CA13: variants seen among roughly 807,000 people sequenced by gnomAD.
The protein encoded by CA13 is carbonic anhydrase 13.
CA13 carries 21 observed loss-of-function variants against 31.5 expected under a neutral mutation model. That is an observed-to-expected ratio of 0.67 (90% CI 0.47 to 0.96). The LOEUF (loss-of-function observed/expected upper bound fraction) is 0.96. CA13 is among the 40% of genes least tolerant of loss of function. The pLI, the probability that CA13 is intolerant of heterozygous loss-of-function variation, is 0.00. For synonymous variants in CA13, 117 were observed against 111.4 expected (o/e 1.05, Z -0.32); for missense variants, 315 against 318.9 (o/e 0.99, Z 0.09).
Position 85,282,741 on chromosome 8 carries a change from AG to A in CA13, c.*1393del, listed in dbSNP as rs758948410. The A allele has an allele frequency of 2.0e-5, 3 of 152,170 alleles. No individual in the cohort carries two copies. Among genetic ancestry groups the A allele is most frequent in the Non-Finnish European group, 4.4e-5 (3 of 68,036 alleles). 9.4% of individuals were successfully genotyped at this position (152,170 alleles called of 1,614,324 possible). A position where few individuals can be genotyped will look rare whatever the true frequency, so the allele number is the denominator to read the frequency against. On this transcript the variant is annotated 3_prime_UTR_variant, in exon 7 of 7. Transcript: ENST00000321764. ...TTTTGTTTGTTTTTGGTGAAGGATA[AG>A]AGTGGTGTTTCTTTTGCCCTTTCTG... is the stretch of plus-strand genomic sequence containing the variant.
intron 6 of CA13, among the ~76,000 whole-genome samples, chr8:85,276,553 G>C (rs1019400963): frequency 1.3e-5 from 2 of 152,126 alleles, no homozygotes; most frequent in Non-Finnish European, 2.9e-5. Context: ...TATTCCAATC[G>C]GCACTCTGTA....
At chr8:85,267,475 T>C (rs1183954484) in intron 4 of CA13, 1 of 208,806 alleles carries the variant, frequency 4.8e-6, no homozygotes, top group East Asian at 1.8e-4. Flanking sequence ...CATTTTAGGC[T>C]GCAAGTGTGA....
At position 85,245,700 on chromosome 8, in the gene CA13, C is replaced by A; in HGVS notation, c.-129C>A. 1 of 1,053,356 alleles carries A rather than the reference C, an allele frequency of 9.5e-7. No homozygotes were observed. Among genetic ancestry groups the A allele is most frequent in the African/African-American group, 1.6e-5 (1 of 63,538 alleles). The allele number at this position is 1,053,356 out of a possible 1,614,324, so 65.3% of individuals were successfully genotyped here. On this transcript the variant is annotated 5_prime_UTR_variant, in exon 1 of 7. Coordinates refer to ENST00000321764, the MANE Select transcript of CA13 (RefSeq NM_198584.3). ...GCGGGAGCGCCCCGGACCGGGTTCACGGTCTCGCACTCCTGCCGCCGGCGC... is the reference window on the plus strand; with the variant it reads ...GCGGGAGCGCCCCGGACCGGGTTCAAGGTCTCGCACTCCTGCCGCCGGCGC...
chr8:85,282,736 G>A lies in CA13; in HGVS notation c.*1387G>A, dbSNP rs1200529413. On this transcript the variant is annotated 3_prime_UTR_variant, in exon 7 of 7. Coordinates refer to ENST00000321764, the MANE Select transcript of CA13 (RefSeq NM_198584.3). ...TTTATTTTTGTTTGTTTTTGGTGAA[G>A]GATAAGAGTGGTGTTTCTTTTGCCC... 6.6e-6 allele frequency: 1 copy of A among 152,114 alleles called. No individual in the cohort carries two copies. The highest frequency in any genetic ancestry group is 6.5e-5 in the Admixed American group (1 of 15,278). The allele number at this position is 152,114 out of a possible 1,614,324, so 9.4% of individuals were successfully genotyped here. A position where few individuals can be genotyped will look rare whatever the true frequency, so the allele number is the denominator to read the frequency against.
chr8:85,250,708 T>G, intron 1 of CA13, 32 bp from the exon 2 acceptor site: 1 of 1,396,642 alleles, frequency 7.2e-7, no homozygotes, highest in Non-Finnish European at 1.0e-6. Context: ...AGAACTTATT[T>G]AATCCTTTTC....
Position 85,253,165 on chromosome 8 carries a change from G to A in CA13, c.235+2228G>A, listed in dbSNP as rs1427420300. 4.6e-5 allele frequency among the ~76,000 whole-genome samples: 7 copies of A among 151,986 alleles called. No individual in the cohort carries two copies. In the East Asian group the frequency reaches 1.2e-3, roughly 25 times the overall value. ...TCTCCATGTTAATCAGGCTGGTTTC[G>A]AACTCCCGACCTCAGGTGATCCGCC... On this transcript the variant is annotated intron_variant, in intron 2 of 6. Transcript: ENST00000321764.
rs1320375395 is a variant in CA13, at chr8:85,250,835, C to T, written c.133C>T (p.Leu45Phe). 1.9e-6 allele frequency: 3 copies of T among 1,613,886 alleles called. No individual in the cohort carries two copies. The highest frequency in any genetic ancestry group is 3.3e-5 in the Admixed American group (2 of 60,010). ...CAAAGAAGTGAAATATGACTCTTCC[C>T]TCCGACCACTTAGTATCAAGTATGA... ...KTKEVKYDSS[L>F]RPLSIKYDPS... Residue 45 changes from leucine (L) to phenylalanine (F), a missense_variant, in exon 2 of 7, where the codon CTC (leucine) becomes TTC (phenylalanine). Physicochemically the swap from Leu to Phe is conservative, Grantham distance 22 (BLOSUM62 0). Transcript: ENST00000321764.
chr8:85,272,869 G>GT (rs1226781473), intron 6 of CA13, among the ~76,000 whole-genome samples: 1 of 152,126 alleles, frequency 6.6e-6, no homozygotes, highest in Non-Finnish European at 1.5e-5. Flanking sequence ...CCAGGCTGGA[G>GT]TGCAGTGGTG....
At chr8:85,266,149 T>C (rs1807452783) in intron 3 of CA13, among the ~76,000 whole-genome samples, 1 of 152,146 alleles carries the variant, frequency 6.6e-6, no homozygotes, top group African/African-American at 2.4e-5. Flanking sequence ...CTGGAGTTTG[T>C]TAGGGCTGAA....
At position 85,278,116 on chromosome 8, in the gene CA13, G is replaced by T. The variant is rs1336322442; in HGVS notation, c.670-3114G>T. Among the ~76,000 whole-genome samples the T allele has an allele frequency of 2.0e-5, 3 of 151,444 alleles. No homozygotes were observed. The East Asian group carries it at 5.8e-4, about 29-fold the overall frequency. On this transcript the variant is annotated intron_variant, in intron 6 of 6. Transcript: ENST00000321764. ...TCTTCACTTAAAAAAAAAAAAATTA[G>T]CTGGGCGTGGTGTCCCCTGCCTATA...
At chr8:85,245,975 T>A in intron 1 of CA13, 110 bp downstream of exon 1, 1 of 1,263,772 alleles carries the variant, frequency 7.9e-7, no homozygotes, top group Admixed American at 1.8e-5. Flanking sequence ...TGAGAAACTT[T>A]TTCGGTTCCT....
intron 2 of CA13, among the ~76,000 whole-genome samples, chr8:85,257,250 T>A (rs903051256): frequency 6.6e-6 from 1 of 152,180 alleles, no homozygotes; most frequent in Admixed American, 6.5e-5. Flanking sequence ...CTCTGGGCAC[T>A]GGAGATACAG....
intron 2 of CA13, among the ~76,000 whole-genome samples, chr8:85,257,877 C>T (rs1054231725): frequency 6.7e-4 from 100 of 149,004 alleles, no homozygotes; most frequent in East Asian, 9.8e-4. Flanking sequence ...AGTGATCCAC[C>T]TGCCTCAGCC....
rs1813715694 is a variant in CA13 at position 85,245,864 on chromosome 8, C to T, written c.36C>T (p.Asn12=). ...TCAGCTGGGGATACCGCGAGCACAA[C>T]GGTGAGCGCCTTTTCCTGATCCAAG... ...SRLSWGYREH[N]GPIHWKEFFP... The change falls in exon 1 of 7, where the codon AAC becomes AAT. Residue 12 remains asparagine (N), a splice_region_variant and synonymous_variant. Coordinates refer to ENST00000321764, the MANE Select transcript of CA13 (RefSeq NM_198584.3). 10 of 1,614,162 alleles carry T rather than the reference C, an allele frequency of 6.2e-6. No homozygotes were observed. The East Asian group carries it at 1.6e-4, about 25-fold the overall frequency.
intron 6 of CA13, among the ~76,000 whole-genome samples, chr8:85,278,857 T>TTTA (rs1393633182): frequency 6.6e-6 from 1 of 152,220 alleles, no homozygotes; most frequent in Non-Finnish European, 1.5e-5. Context: ...AGATGGCTTA[T>TTTA]TTATTGAAAC....
intron 3 of CA13, among the ~76,000 whole-genome samples, chr8:85,264,971 G>GCACT (rs1281994792): frequency 2.6e-5 from 4 of 152,138 alleles, no homozygotes; most frequent in African/African-American, 9.7e-5. Context: ...TGTGCATGAT[G>GCACT]CACTGTTTTA....
At chr8:85,266,550 T>C in intron 3 of CA13, 58 bp from the exon 4 acceptor site, 1 of 1,297,198 alleles carries the variant, frequency 7.7e-7, no homozygotes, top group Non-Finnish European at 1.1e-6. Context: ...TATTTGCATT[T>C]ATGTTTTTCA....
chr8:85,254,277 C>CAAAA (rs34034023), intron 2 of CA13, among the ~76,000 whole-genome samples: 2 of 138,464 alleles, frequency 1.4e-5, no homozygotes. Flanking sequence ...GATTCCATCT[C>CAAAA]AAAAAAAAAA....
chr8:85,246,979 ATTCTAT>A (rs1392632161), intron 1 of CA13, among the ~76,000 whole-genome samples: 3 of 152,204 alleles, frequency 2.0e-5, no homozygotes, highest in African/African-American at 2.4e-5. Flanking sequence ...TAACAGAAAA[ATTCTAT>A]TTCTAATTGT....
Sources: allele counts gnomAD v4.1 joint callset (sites outside exome capture counted in the v4.1 genomes callset), GRCh38; gene constraint gnomAD v4.1.1; transcripts MANE v1.5; gene names NCBI Gene and HGNC (gene_info 2026-07-23, HGNC 2026-07-21).